The following ERAP2 variants were observed in gnomAD, a reference collection of about 807,000 sequenced individuals.
ERAP2 encodes the protein leukocyte-derived arginine aminopeptidase.
Under a neutral mutation model 111.1 loss-of-function variants are expected in ERAP2, and 118 were observed. The ratio of observed to expected loss-of-function variants is 1.06; its 90% confidence interval spans 0.92 to 1.24. The LOEUF is 1.24. ERAP2 is among the 50% of genes most tolerant of loss of function. The pLI is 0.00. For synonymous variants in ERAP2, 410 were observed against 401.2 expected (o/e 1.02, Z -0.26); for missense variants, 1,131 against 1,125.8 (o/e 1.00, Z -0.07).
intron 13 of ERAP2, among the ~76,000 whole-genome samples, chr5:96,904,017 C>G (rs1785772209): frequency 6.6e-6 from 1 of 152,158 alleles, no homozygotes; most frequent in African/African-American, 2.4e-5. Context: ...ATGTTATTAG[C>G]TGCTACACCA....
chr5:96,908,590 A>G (rs1159412871), intron 13 of ERAP2, among the ~76,000 whole-genome samples: 1 of 152,248 alleles, frequency 6.6e-6, no homozygotes, highest in East Asian at 1.9e-4. Flanking sequence ...TCATGTGTAA[A>G]AAGTTTGATA....
chr5:96,900,335 AG>A, intron 10 of ERAP2, 146 bp downstream of exon 10: 1 of 1,282,824 alleles, frequency 7.8e-7, no homozygotes, highest in Non-Finnish European at 1.0e-6. Context: ...ACAAAACTGA[AG>A]GGGAAATGCT....
chr5:96,909,906 C>G (rs1164081078), intron 15 of ERAP2, 142 bp downstream of exon 15: 1 of 769,922 alleles, frequency 1.3e-6, no homozygotes, highest in Admixed American at 2.9e-5. Flanking sequence ...GTTTCATGCT[C>G]TCACATTGTA....
rs1361103178 is a variant in ERAP2, at chr5:96,902,261, C to T, written c.1749-13C>T. 2 of 1,566,850 alleles carry T rather than the reference C, an allele frequency of 1.3e-6. No homozygotes were observed. Among genetic ancestry groups the T allele is most frequent in the Non-Finnish European group, 1.8e-6 (2 of 1,137,130 alleles). ...TTCTTTTGGTCTGTAACTATCTTTA[C>T]TCTCTGTCATAGGTACCTGTGGCAT... On this transcript the variant is annotated splice_polypyrimidine_tract_variant and intron_variant, in intron 11 of 18. Coordinates refer to ENST00000437043, the MANE Select transcript of ERAP2 (RefSeq NM_022350.5).
chr5:96,903,654 A>T, intron 13 of ERAP2, 94 bp downstream of exon 13: 1 of 1,170,428 alleles, frequency 8.5e-7, no homozygotes. Flanking sequence ...TTGGTCATTG[A>T]TTTAATATGG....
intron 5 of ERAP2, among the ~76,000 whole-genome samples, chr5:96,891,895 G>A (rs145223210): frequency 5.3e-5 from 8 of 152,052 alleles, no homozygotes; most frequent in East Asian, 3.9e-4. Flanking sequence ...TTCATTATAC[G>A]TTTTGATGAA....
intron 8 of ERAP2, 84 bp downstream of exon 8, chr5:96,896,588 C>T: frequency 6.7e-7 from 1 of 1,485,808 alleles, no homozygotes; most frequent in Non-Finnish European, 9.1e-7. Flanking sequence ...GTCACTGGTG[C>T]CAGTTCCTGC....
chr5:96,906,694 T>C (rs1786123537), intron 13 of ERAP2, among the ~76,000 whole-genome samples: 1 of 152,228 alleles, frequency 6.6e-6, no homozygotes, highest in African/African-American at 2.4e-5. Flanking sequence ...TCAATTTGCC[T>C]ATAGAAAAAG....
Position 96,879,625 on chromosome 5 carries a change from G to C in ERAP2, c.-61G>C. ...ATGTGACATAACTGGAGCCAGTGCA[G>C]TGCCATGAAGAACTACGAGATTAGC... On this transcript the variant is annotated 5_prime_UTR_variant, in exon 2 of 19. Transcript: ENST00000437043. 1 of 1,387,522 alleles carries C rather than the reference G, an allele frequency of 7.2e-7. No individual in the cohort carries two copies. The highest frequency in any genetic ancestry group is 1.2e-5 in the South Asian group (1 of 80,966). 86.0% of individuals were successfully genotyped at this position (1,387,522 alleles called of 1,614,324 possible).
intron 12 of ERAP2, chr5:96,902,873 A>G (rs772966192): frequency 6.4e-6 from 1 of 155,078 alleles, no homozygotes; most frequent in Non-Finnish European, 1.4e-5. Context: ...AATATATGCC[A>G]CATTAAAAAT....
intron 12 of ERAP2, chr5:96,902,573 G>T (rs1233392450): frequency 2.4e-6 from 1 of 421,432 alleles, no homozygotes; most frequent in Non-Finnish European, 4.2e-6. Flanking sequence ...TTTAGAGACA[G>T]ATTATTTACA....
At position 96,879,647 on chromosome 5, in the gene ERAP2, T is replaced by C; in HGVS notation, c.-39T>C. The C allele has an allele frequency of 3.2e-6, 5 of 1,565,116 alleles. No individual in the cohort carries two copies. The highest frequency in any genetic ancestry group is 2.3e-5 in the South Asian group (2 of 88,630). On this transcript the variant is annotated 5_prime_UTR_variant, in exon 2 of 19. Coordinates refer to ENST00000437043, the MANE Select transcript of ERAP2 (RefSeq NM_022350.5). ...GCAGTGCCATGAAGAACTACGAGAT[T>C]AGCCTGGATATTAACTTGTCTTCTA...
chr5:96,876,079 G>A (rs1006985715), upstream of ERAP2: 8 of 152,564 alleles, frequency 5.2e-5, no homozygotes, highest in Admixed American at 1.3e-4. Flanking sequence ...GAAGCTGCCC[G>A]GGAGGTGTTT....
chr5:96,899,750 C>G (rs927000667), intron 9 of ERAP2, among the ~76,000 whole-genome samples: 3 of 152,242 alleles, frequency 2.0e-5, no homozygotes, highest in African/African-American at 7.2e-5. Context: ...GACAGAGTTG[C>G]CTACATGCTA....
intron 2 of ERAP2, among the ~76,000 whole-genome samples, chr5:96,882,974 C>T (rs972415280): frequency 1.3e-5 from 2 of 152,160 alleles, no homozygotes; most frequent in Admixed American, 6.6e-5. Flanking sequence ...AAATCTGTAA[C>T]TGTACAGTTT....
chr5:96,896,599 T>G (rs1431463894), intron 8 of ERAP2, 95 bp downstream of exon 8: 6 of 1,479,778 alleles, frequency 4.1e-6, no homozygotes, highest in Middle Eastern at 3.7e-4. Flanking sequence ...CAGTTCCTGC[T>G]ACTTGTTTCA....
intron 12 of ERAP2, 116 bp downstream of exon 12, chr5:96,902,469 A>T: frequency 1.5e-6 from 1 of 646,310 alleles, no homozygotes; most frequent in Non-Finnish European, 2.7e-6. Flanking sequence ...TATTTGAGGG[A>T]AGTTGTCATT....
chr5:96,886,788 A>G lies in ERAP2; in HGVS notation c.848A>G (p.Lys283Arg), dbSNP rs1288701159. 1 of 1,490,144 alleles carries G rather than the reference A, an allele frequency of 6.7e-7. No homozygotes were observed. Among genetic ancestry groups the G allele is most frequent in the Non-Finnish European group, 9.1e-7 (1 of 1,099,034 alleles). 92.3% of individuals were successfully genotyped at this position (1,490,144 alleles called of 1,614,324 possible). ...AGTGGCTTCACTTCATCAGGGGTCAAGGTGAGACTGAGTTCTAACGTTCTA... is the reference window on the plus strand; with the variant it reads ...AGTGGCTTCACTTCATCAGGGGTCAGGGTGAGACTGAGTTCTAACGTTCTA... ...SLSGFTSSGV[K>R]VSIYASPDKR... is the part of the protein sequence containing the mutation. The change falls in exon 4 of 19, where the codon AAG (lysine) becomes AGG (arginine). Residue 283 changes from lysine (K) to arginine (R), a missense_variant and splice_region_variant. Transcript: ENST00000437043.
Position 96,901,528 on chromosome 5 carries a change from C to CAG in ERAP2, c.1598_1599dup (p.Val534ArgfsTer5). On this transcript the variant is annotated frameshift_variant, in exon 11 of 19. Coordinates refer to ENST00000437043, the MANE Select transcript of ERAP2 (RefSeq NM_022350.5). LOFTEE classifies it high-confidence loss of function. ...CAGCTCGCCTTTCTGGGGGAAAATGCAGAGGTCAAAGAGATGATGACTACA... is the reference window on the plus strand; with the variant it reads ...CAGCTCGCCTTTCTGGGGGAAAATGCAGAGAGGTCAAAGAGATGATGACTACA... The CAG allele has an allele frequency of 6.2e-7, 1 of 1,613,584 alleles. No homozygotes were observed. Among genetic ancestry groups the CAG allele is most frequent in the Non-Finnish European group, 8.5e-7 (1 of 1,179,634 alleles).
Sources: allele counts gnomAD v4.1 joint callset (sites outside exome capture counted in the v4.1 genomes callset), GRCh38; gene constraint gnomAD v4.1.1; transcripts MANE v1.5; gene names NCBI Gene and HGNC (gene_info 2026-07-23, HGNC 2026-07-21).